FARS2: variants seen among roughly 807,000 people sequenced by gnomAD.
FARS2 encodes phenylalanine--tRNA ligase, mitochondrial.
A neutral mutation model predicts 46.4 loss-of-function variants in FARS2; 40 were observed. That is an observed-to-expected ratio of 0.86 (90% CI 0.67 to 1.12). The LOEUF (loss-of-function observed/expected upper bound fraction) is 1.12. FARS2 is among the 50% of genes most tolerant of loss of function. FARS2 has a pLI of 0.00. For missense variants in FARS2, 513 were observed against 567.9 expected, an observed-to-expected ratio of 0.90 and a Z score of 0.98; for synonymous variants, 234 against 214.9, an observed-to-expected ratio of 1.09 and a Z score of -0.78.
intron 5 of FARS2, among the ~76,000 whole-genome samples, chr6:5,563,389 A>G (rs1261734297): frequency 6.6e-6 from 1 of 152,180 alleles, no homozygotes; most frequent in African/African-American, 2.4e-5. Flanking sequence ...GGGTAGACAC[A>G]GTTTCTAATG....
chr6:5,431,060 A>G lies in FARS2; in HGVS notation c.792A>G (p.Val264=), dbSNP rs1265638006. The change falls in exon 4 of 7, where the codon GTA becomes GTG. Residue 264 remains valine, a synonymous_variant. Transcript: ENST00000274680. The part of the protein sequence containing the change: ...LFGDELEIRW[V]DCYFPFTHPS... ...TTGCAGAGCTGGAGATAAGATGGGT[A>G]GACTGCTACTTCCCTTTTACACATC... 6.2e-7 allele frequency: 1 copy of G among 1,613,300 alleles called. No individual in the cohort carries two copies. The highest frequency in any genetic ancestry group is 8.5e-7 in the Non-Finnish European group (1 of 1,179,228).
At chr6:5,558,316 A>C (rs9405848) in intron 5 of FARS2, among the ~76,000 whole-genome samples, 8 of 151,832 alleles carry the variant, frequency 5.3e-5, no homozygotes, top group African/African-American at 1.7e-4. Flanking sequence ...ACAGAGAAAC[A>C]AGTTACTTTG....
At chr6:5,394,353 A>G (rs983627882) in intron 2 of FARS2, among the ~76,000 whole-genome samples, 1 of 152,206 alleles carries the variant, frequency 6.6e-6, no homozygotes, top group African/African-American at 2.4e-5. Flanking sequence ...TACAGTATTC[A>G]GTATGGTAAC....
chr6:5,492,370 T>C (rs967860863), intron 4 of FARS2, among the ~76,000 whole-genome samples: 12 of 152,238 alleles, frequency 7.9e-5, no homozygotes, highest in African/African-American at 2.7e-4. Context: ...TTTATTAAGA[T>C]AGTGTATATT....
intron 6 of FARS2, among the ~76,000 whole-genome samples, chr6:5,635,396 C>G (rs1776493645): frequency 6.6e-6 from 1 of 151,774 alleles, no homozygotes; most frequent in African/African-American, 2.4e-5. Flanking sequence ...TTCTTAAGGT[C>G]TAATTGTTTT....
chr6:5,685,721 TC>T (rs1480163955), intron 6 of FARS2, among the ~76,000 whole-genome samples: 2 of 151,966 alleles, frequency 1.3e-5, no homozygotes, highest in Non-Finnish European at 2.9e-5. Flanking sequence ...TGCTATACCC[TC>T]TCTTGGACCA....
intron 6 of FARS2, among the ~76,000 whole-genome samples, chr6:5,686,141 G>A (rs1446633920): frequency 6.6e-6 from 1 of 152,268 alleles, no homozygotes; most frequent in Non-Finnish European, 1.5e-5. Flanking sequence ...CTCAATAGAT[G>A]TCTGCAGAAG....
At position 5,630,616 on chromosome 6, in the gene FARS2, G is replaced by A. The variant is rs1484042133; in HGVS notation, c.1217+17296G>A. Among the ~76,000 whole-genome samples, 1 of 152,184 alleles carries A rather than the reference G, an allele frequency of 6.6e-6. No individual in the cohort carries two copies. The highest frequency in any genetic ancestry group is 1.5e-5 in the Non-Finnish European group (1 of 68,030). On this transcript the variant is annotated intron_variant, in intron 6 of 6. Transcript: ENST00000274680. This position sits in a 1 kb window ranked among gnomAD's most constrained non-coding sequence, Gnocchi z 4.2. ...TAATACTGCAGGGAAGTTTCACGTTGCTGTCATTTACCCGTTCTGATTTTC... is the reference window on the plus strand; with the variant it reads ...TAATACTGCAGGGAAGTTTCACGTTACTGTCATTTACCCGTTCTGATTTTC...
At chr6:5,278,305 G>T (rs989732227) in intron 1 of FARS2, among the ~76,000 whole-genome samples, 1 of 152,170 alleles carries the variant, frequency 6.6e-6, no homozygotes, top group Admixed American at 6.5e-5. Flanking sequence ...AGTGCGCTTT[G>T]GTTTTCTGCA....
intron 5 of FARS2, among the ~76,000 whole-genome samples, chr6:5,595,564 G>A (rs1774151617): frequency 6.6e-6 from 1 of 152,146 alleles, no homozygotes; most frequent in South Asian, 2.1e-4. Flanking sequence ...GAACGAGGGA[G>A]AAAATGTGAT....
At chr6:5,744,980 GT>G (rs1761555439) in intron 6 of FARS2, among the ~76,000 whole-genome samples, 1 of 152,156 alleles carries the variant, frequency 6.6e-6, no homozygotes, top group Admixed American at 6.5e-5. Flanking sequence ...GACCTTACCT[GT>G]ACCTGTAGCA....
At chr6:5,575,185 A>G (rs759537834) in intron 5 of FARS2, among the ~76,000 whole-genome samples, 1 of 152,226 alleles carries the variant, frequency 6.6e-6, no homozygotes, top group Non-Finnish European at 1.5e-5. Flanking sequence ...AACCACCACC[A>G]TAAAGCACAA....
intron 5 of FARS2, among the ~76,000 whole-genome samples, chr6:5,586,452 A>G (rs377560231): frequency 2.0e-5 from 3 of 152,208 alleles, no homozygotes; most frequent in South Asian, 2.1e-4. Flanking sequence ...AGATGATTGC[A>G]TGATTTTTAT....
At chr6:5,365,085 C>T (rs1183494602) in intron 1 of FARS2, among the ~76,000 whole-genome samples, 2 of 151,610 alleles carry the variant, frequency 1.3e-5, no homozygotes, top group Non-Finnish European at 2.9e-5. Context: ...AAAAAAAACC[C>T]CAAACAGACT....
At chr6:5,582,234 T>C (rs1401686027) in intron 5 of FARS2, among the ~76,000 whole-genome samples, 3 of 127,430 alleles carry the variant, frequency 2.4e-5, no homozygotes, top group South Asian at 6.5e-4. Context: ...TACTTCCGGT[T>C]AATTCCTGAT....
intron 6 of FARS2, among the ~76,000 whole-genome samples, chr6:5,720,517 T>G (rs1245529660): frequency 6.6e-6 from 1 of 152,220 alleles, no homozygotes; most frequent in Non-Finnish European, 1.5e-5. Context: ...CTTTACAATA[T>G]TCATTCAGCA....
intron 4 of FARS2, among the ~76,000 whole-genome samples, chr6:5,481,761 A>G (rs1766474200): frequency 6.6e-6 from 1 of 151,682 alleles, no homozygotes; most frequent in Non-Finnish European, 1.5e-5. Context: ...GTCAGCATGC[A>G]TTCTGACAGG....
intron 1 of FARS2, among the ~76,000 whole-genome samples, chr6:5,292,701 C>T (rs1044525888): frequency 6.6e-6 from 1 of 152,098 alleles, no homozygotes; most frequent in African/African-American, 2.4e-5. Context: ...GCACCTGTAG[C>T]CTGGAGCTTT....
At chr6:5,656,509 A>G (rs150705906) in intron 6 of FARS2, among the ~76,000 whole-genome samples, 95 of 148,836 alleles carry the variant, frequency 6.4e-4, no homozygotes, top group African/African-American at 2.4e-3. Context: ...CAGTGACATT[A>G]AACAAACTCT....
Sources: allele counts gnomAD v4.1 joint callset (sites outside exome capture counted in the v4.1 genomes callset), GRCh38; gene constraint gnomAD v4.1.1; non-coding constraint Gnocchi (gnomAD v3.1); transcripts MANE v1.5; gene names NCBI Gene and HGNC (gene_info 2026-07-23, HGNC 2026-07-21).